The following MARK4 variants were observed in gnomAD, a reference collection of about 807,000 sequenced individuals.
The protein encoded by MARK4 is MAP/microtubule affinity-regulating kinase 4.
Under a neutral mutation model 81.5 loss-of-function variants are expected in MARK4, and 19 were observed. The ratio of observed to expected loss-of-function variants is 0.23; its 90% CI spans 0.16 to 0.34. MARK4 has a LOEUF of 0.34. Among genes scored for constraint, MARK4 ranks in the 10% least tolerant of loss-of-function variants. The pLI is 1.00. For missense variants in MARK4, 772 were observed against 1,058.8 expected (o/e 0.73, Z 3.76); for synonymous variants, 436 against 439.0 (o/e 0.99, Z 0.08).
intron 12 of MARK4, 97 bp downstream of exon 12, chr19:45,280,831 C>T: frequency 1.3e-6 from 2 of 1,509,520 alleles, no homozygotes; most frequent in South Asian, 1.2e-5. Flanking sequence ...CAACAGAAAC[C>T]CACTGGAGCT....
rs1971003690 is a variant in MARK4, at chr19:45,303,277, G to A, written c.*567G>A. The A allele has an allele frequency of 6.5e-6, 1 of 155,004 alleles. No homozygotes were observed. Among genetic ancestry groups the A allele is most frequent in the Middle Eastern group, 3.2e-3 (1 of 316 alleles). 9.6% of individuals were successfully genotyped at this position (155,004 alleles called of 1,614,324 possible). A position where few individuals can be genotyped will look rare whatever the true frequency, so the allele number is the denominator to read the frequency against. ...TTGAGGAGCTGCCGCTGTCACCTAC[G>A]GTTTTTAAGTTATTACACCCCGACC... On this transcript the variant is annotated 3_prime_UTR_variant, in exon 17 of 17. Coordinates refer to ENST00000262891, the MANE Select transcript of MARK4 (RefSeq NM_001199867.2).
chr19:45,302,761 T>A lies in MARK4; in HGVS notation c.*51T>A. On this transcript the variant is annotated 3_prime_UTR_variant, in exon 17 of 17. Coordinates refer to ENST00000262891, the MANE Select transcript of MARK4 (RefSeq NM_001199867.2). The surrounding 1 kb of genome is among the most constrained non-coding windows in gnomAD (Gnocchi z 4.9). ...TCTTCCTCTCCCTTGTCGCCTTCAC[T>A]TCTACAGGAGGGGAAGGGGCCAGGG... 1.3e-6 allele frequency: 2 copies of A among 1,531,820 alleles called. No homozygotes were observed. Among genetic ancestry groups the A allele is most frequent in the Non-Finnish European group, 1.7e-6 (2 of 1,144,690 alleles). The allele number at this position is 1,531,820 out of a possible 1,614,324, so 94.9% of individuals were successfully genotyped here. A position where few individuals can be genotyped will look rare whatever the true frequency, so the allele number is the denominator to read the frequency against.
intron 1 of MARK4, among the ~76,000 whole-genome samples, chr19:45,257,772 C>T (rs1182177606): frequency 6.6e-6 from 1 of 151,240 alleles, no homozygotes; most frequent in East Asian, 1.9e-4. Flanking sequence ...TCACTGCAAG[C>T]TCCACCTCCT....
At chr19:45,268,870 C>A (rs1970489374) in intron 7 of MARK4, among the ~76,000 whole-genome samples, 1 of 152,142 alleles carries the variant, frequency 6.6e-6, no homozygotes, top group East Asian at 1.9e-4. Context: ...CACTTCCTTC[C>A]ACTGGGCTAG....
intron 7 of MARK4, among the ~76,000 whole-genome samples, chr19:45,270,587 T>A (rs1970513595): frequency 1.3e-5 from 2 of 152,150 alleles, no homozygotes; most frequent in Admixed American, 6.6e-5. Context: ...TCGCTGGGTA[T>A]GAAATACTGT....
At chr19:45,289,653 C>G (rs1306839516) in intron 13 of MARK4, among the ~76,000 whole-genome samples, 1 of 151,424 alleles carries the variant, frequency 6.6e-6, no homozygotes, top group Non-Finnish European at 1.5e-5. Flanking sequence ...GCCTGTAATC[C>G]CAGCTACTCA....
At position 45,277,955 on chromosome 19, in the gene MARK4, C is replaced by T. The variant is rs1279109011; in HGVS notation, c.819C>T (p.Tyr273=). The T allele has an allele frequency of 1.9e-6, 3 of 1,613,670 alleles. No homozygotes were observed. Among genetic ancestry groups the T allele is most frequent in the Non-Finnish European group, 2.5e-6 (3 of 1,179,930 alleles). Residue 273 remains tyrosine, a synonymous_variant, in exon 9 of 17, where the codon TAC becomes TAT. Coordinates refer to ENST00000262891, the MANE Select transcript of MARK4 (RefSeq NM_001199867.2). ...GGGAGCGAGTACTCAGAGGGAAGTA[C>T]CGGGTCCCTTTCTACATGTCAACAG... ...ELRERVLRGK[Y]RVPFYMSTDC... is the part of the protein sequence containing the mutation.
At chr19:45,254,453 T>A (rs563555875) in intron 1 of MARK4, among the ~76,000 whole-genome samples, 161 of 152,250 alleles carry the variant, frequency 1.1e-3, no homozygotes, top group Non-Finnish European at 1.9e-3. Context: ...TCCACCTGCC[T>A]CCCTGGTCTC....
rs567827268 is a variant in MARK4 at position 45,300,084 on chromosome 19, C to G, written c.1922+229C>G. Among the ~76,000 whole-genome samples, 4 of 152,344 alleles carry G rather than the reference C, an allele frequency of 2.6e-5. No homozygotes were observed. In the East Asian group the frequency reaches 5.8e-4, roughly 22 times the overall value. On this transcript the variant is annotated intron_variant, in intron 16 of 16. Coordinates refer to ENST00000262891, the MANE Select transcript of MARK4 (RefSeq NM_001199867.2). ...CAGCCTCCGGCTGGGTGCCATGGCC[C>G]AAGCCTGTAATCCCAGCACTTTGGG...
At chr19:45,278,392 A>C in intron 9 of MARK4, 124 bp from the exon 10 acceptor site, 1 of 840,188 alleles carries the variant, frequency 1.2e-6, no homozygotes, top group South Asian at 1.5e-5. Context: ...AGGAGGCGCT[A>C]TCTCTTAGGA....
In MARK4 at chr19:45,294,068, C is replaced by T. The variant is rs529808437; in HGVS notation, c.1495-281C>T. ...AAGGTGGGCATTGCTGGGAGAAGAG[C>T]GGTGGACAAGGATGCCCCCTGGAAA... On this transcript the variant is annotated intron_variant, in intron 13 of 16. Transcript: ENST00000262891. 8.3e-4 allele frequency among the ~76,000 whole-genome samples: 127 copies of T among 152,184 alleles called. 1 individual carries two copies. The highest frequency in any genetic ancestry group is 3.4e-3 in the Middle Eastern group (1 of 294).
Position 45,276,448 on chromosome 19 carries a change from G to A in MARK4, c.787-1475G>A, listed in dbSNP as rs182306328. ...AAGGCCCTTAAAGAGAAAGCCAGCA[G>A]ATAAATCCATGAATGGCCTTGAGGA... is the stretch of plus-strand genomic sequence containing the variant. On this transcript the variant is annotated intron_variant, in intron 8 of 16. Transcript: ENST00000262891. Among the ~76,000 whole-genome samples the A allele has an allele frequency of 6.6e-4, 100 of 152,230 alleles. 1 individual carries two copies. The highest frequency in any genetic ancestry group is 1.2e-3 in the Non-Finnish European group (83 of 68,024).
chr19:45,282,809 G>A (rs1261353409), intron 12 of MARK4, among the ~76,000 whole-genome samples: 1 of 151,932 alleles, frequency 6.6e-6, no homozygotes, highest in Non-Finnish European at 1.5e-5. Context: ...GGGCCACAGA[G>A]CGAGACTCCG....
intron 16 of MARK4, among the ~76,000 whole-genome samples, chr19:45,301,255 G>A (rs1473811468): frequency 2.6e-5 from 4 of 152,002 alleles, no homozygotes; most frequent in Non-Finnish European, 5.9e-5. Flanking sequence ...TGCATTGCAA[G>A]ACCCTGTCTC....
intron 6 of MARK4, among the ~76,000 whole-genome samples, chr19:45,265,186 G>A (rs1022207829): frequency 3.3e-5 from 5 of 152,172 alleles, no homozygotes; most frequent in African/African-American, 1.2e-4. Context: ...GCATGTGGGT[G>A]TGCCCAGCGC....
At chr19:45,278,729 A>C (rs1970634390) in intron 10 of MARK4, 114 bp downstream of exon 10, 1 of 794,084 alleles carries the variant, frequency 1.3e-6, no homozygotes, top group South Asian at 1.7e-5. Context: ...TCAGCCTCCC[A>C]AGTAGCTGGG....
At chr19:45,278,673 G>C in intron 10 of MARK4, 58 bp downstream of exon 10, 1 of 1,298,510 alleles carries the variant, frequency 7.7e-7, no homozygotes, top group Non-Finnish European at 1.1e-6. Flanking sequence ...GTGCAATCTC[G>C]GCTCACTGCA....
intron 8 of MARK4, among the ~76,000 whole-genome samples, chr19:45,277,175 T>G (rs1250756956): frequency 1.3e-5 from 2 of 151,954 alleles, no homozygotes; most frequent in Non-Finnish European, 2.9e-5. Context: ...TCCTAAGAGT[T>G]TAAGTGATTC....
At chr19:45,283,264 C>G (rs1970699402) in intron 12 of MARK4, among the ~76,000 whole-genome samples, 1 of 151,830 alleles carries the variant, frequency 6.6e-6, no homozygotes, top group South Asian at 2.1e-4. Flanking sequence ...CAAAAATTAG[C>G]CGGGCGTAGT....
Sources: allele counts gnomAD v4.1 joint callset (sites outside exome capture counted in the v4.1 genomes callset), GRCh38; gene constraint gnomAD v4.1.1; non-coding constraint Gnocchi (gnomAD v3.1); transcripts MANE v1.5; gene names NCBI Gene and HGNC (gene_info 2026-07-23, HGNC 2026-07-21).